SLC24A2: variants seen among roughly 807,000 people sequenced by gnomAD.
The protein encoded by SLC24A2 is solute carrier family 24 member 2, also known as sodium/potassium/calcium exchanger 2.
In SLC24A2, 36 loss-of-function variants were observed where a neutral mutation model predicts 62.0. The observed-to-expected ratio is 0.58, with a 90% CI of 0.44 to 0.77. SLC24A2 has a LOEUF of 0.77. Among genes scored for constraint, SLC24A2 ranks in the 30% least tolerant of loss-of-function variants. SLC24A2 has a pLI of 0.00. For missense variants in SLC24A2, 846 were observed against 817.9 expected, an observed-to-expected ratio of 1.03 and a Z score of -0.42; for synonymous variants, 358 against 294.0, an observed-to-expected ratio of 1.22 and a Z score of -2.23.
chr9:20,178,403 G>T, the SLC24A2 span, among the ~76,000 whole-genome samples: 1 of 152,058 alleles, frequency 6.6e-6, no homozygotes, highest in African/African-American at 2.4e-5. Flanking sequence ...GCAGCTGAAG[G>T]GTACACTGTC....
chr9:20,169,685 C>A, the SLC24A2 span, among the ~76,000 whole-genome samples: 2 of 148,902 alleles, frequency 1.3e-5, no homozygotes, highest in Non-Finnish European at 3.0e-5. Context: ...TGAACAAGAG[C>A]CTTGAGCCCT....
the SLC24A2 span, among the ~76,000 whole-genome samples, chr9:20,169,405 A>C: frequency 6.6e-6 from 1 of 152,000 alleles, no homozygotes; most frequent in Non-Finnish European, 1.5e-5. Flanking sequence ...AGAACTCACA[A>C]ATTCTCTGAA....
At position 19,622,339 on chromosome 9, in the gene SLC24A2, T is replaced by G. The variant is rs200852391; in HGVS notation, c.931-40A>C. 1,398 of 1,584,416 alleles carry G rather than the reference T, an allele frequency of 8.8e-4. 5 individuals carry two copies. The highest frequency in any genetic ancestry group is 1.1e-3 in the Non-Finnish European group (1,278 of 1,154,148). ...AAGGCAAAGACAAAAGACAAAGAAA[T>G]AAATAAATGAAGAATCACATATGGC... is the stretch of plus-strand genomic sequence containing the variant. On this transcript the variant is annotated intron_variant, in intron 2 of 10. Coordinates refer to ENST00000341998, the MANE Select transcript of SLC24A2 (RefSeq NM_020344.4).
At chr9:20,263,384 T>C in the SLC24A2 span, among the ~76,000 whole-genome samples, 9 of 152,092 alleles carry the variant, frequency 5.9e-5, no homozygotes, top group Non-Finnish European at 1.2e-4. Flanking sequence ...CCTGAGTAAC[T>C]GGGACCACAG....
chr9:19,896,302 T>G, the SLC24A2 span, among the ~76,000 whole-genome samples: 2 of 152,324 alleles, frequency 1.3e-5, no homozygotes, highest in South Asian at 4.1e-4. Flanking sequence ...TTTTACTTTG[T>G]GAGTACATAT....
At chr9:19,551,383 G>C (rs1053776357) in intron 7 of SLC24A2, among the ~76,000 whole-genome samples, 37 of 152,338 alleles carry the variant, frequency 2.4e-4, no homozygotes, top group African/African-American at 7.2e-4. Context: ...AGCTTCTGAA[G>C]TCAGGGCTAG....
the SLC24A2 span, among the ~76,000 whole-genome samples, chr9:19,887,589 C>G: frequency 1.3e-5 from 2 of 152,146 alleles, no homozygotes; most frequent in Non-Finnish European, 2.9e-5. Flanking sequence ...GGGAACACTT[C>G]TAACACTGCT....
At chr9:20,219,996 T>A in the SLC24A2 span, among the ~76,000 whole-genome samples, 3 of 152,328 alleles carry the variant, frequency 2.0e-5, no homozygotes, top group South Asian at 6.2e-4. Context: ...GTGGCTTCTA[T>A]GCTTTGAGAA....
the SLC24A2 span, among the ~76,000 whole-genome samples, chr9:20,055,248 T>C: frequency 3.7e-3 from 556 of 152,260 alleles, 8 homozygotes; most frequent in African/African-American, 0.013. Flanking sequence ...ACAAAAAAAG[T>C]CTTTACTTCT....
the SLC24A2 span, among the ~76,000 whole-genome samples, chr9:20,048,476 G>A: frequency 1.3e-5 from 2 of 151,478 alleles, no homozygotes; most frequent in Non-Finnish European, 2.9e-5. Flanking sequence ...ATCAGCCCAA[G>A]CCAATGATGT....
At chr9:19,519,986 G>A (rs542187807) in intron 10 of SLC24A2, among the ~76,000 whole-genome samples, 2 of 152,250 alleles carry the variant, frequency 1.3e-5, no homozygotes, top group South Asian at 2.1e-4. Context: ...GAATAATAGG[G>A]GTGATAATAC....
chr9:20,258,816 CT>C, the SLC24A2 span, among the ~76,000 whole-genome samples: 9,105 of 123,290 alleles, frequency 0.074, 558 homozygotes, highest in East Asian at 0.38. Flanking sequence ...ATCTATCTAC[CT>C]TATCTATCTA....
At chr9:20,023,323 T>C in the SLC24A2 span, among the ~76,000 whole-genome samples, 3 of 152,198 alleles carry the variant, frequency 2.0e-5, no homozygotes, top group Admixed American at 6.5e-5. Flanking sequence ...GAATATTTCA[T>C]GTAAACTGCT....
the SLC24A2 span, among the ~76,000 whole-genome samples, chr9:19,951,505 T>C: frequency 6.6e-6 from 1 of 152,142 alleles, no homozygotes; most frequent in Admixed American, 6.5e-5. Context: ...TATATTTAGG[T>C]CTATGGCACA....
the SLC24A2 span, among the ~76,000 whole-genome samples, chr9:19,878,504 A>G: frequency 6.6e-6 from 1 of 152,202 alleles, no homozygotes; most frequent in African/African-American, 2.4e-5. Flanking sequence ...TATGGTTTAG[A>G]TTCGTGTCCC....
At chr9:19,968,497 G>A in the SLC24A2 span, among the ~76,000 whole-genome samples, 5 of 152,176 alleles carry the variant, frequency 3.3e-5, no homozygotes, top group Non-Finnish European at 5.9e-5. Flanking sequence ...ATAGAAATAA[G>A]GTCCACAGAC....
the SLC24A2 span, among the ~76,000 whole-genome samples, chr9:19,812,566 G>C: frequency 6.6e-6 from 1 of 151,774 alleles, no homozygotes; most frequent in African/African-American, 2.4e-5. Flanking sequence ...CTTTTTGTCT[G>C]TTTTCTCTAA....
the SLC24A2 span, among the ~76,000 whole-genome samples, chr9:20,111,430 G>A: frequency 2.0e-4 from 31 of 152,202 alleles, no homozygotes; most frequent in East Asian, 5.6e-3. Context: ...GCACTGCACC[G>A]TCTCTTATTG....
At position 19,786,847 on chromosome 9, in the gene SLC24A2, G is replaced by A. The variant is rs1322257870; in HGVS notation, c.20C>T (p.Thr7Ile). 6.2e-7 allele frequency: 1 copy of A among 1,610,948 alleles called. No homozygotes were observed. The highest frequency in any genetic ancestry group is 8.5e-7 in the Non-Finnish European group (1 of 1,179,914). The part of the protein sequence containing the change: MDLQQS[T>I]TITSLEKWCL... ...CCATTTCTCTAGGGAAGTGATGGTGGTGCTTTGTTGCAGATCCATCCTGGG... is the reference window on the plus strand; with the variant it reads ...CCATTTCTCTAGGGAAGTGATGGTGATGCTTTGTTGCAGATCCATCCTGGG... Residue 7 changes from threonine to isoleucine, a missense_variant, in exon 2 of 11, where the codon ACC (threonine) becomes ATC (isoleucine). Thr to Ile is a moderately conservative substitution (Grantham distance 89). Coordinates refer to ENST00000341998, the MANE Select transcript of SLC24A2 (RefSeq NM_020344.4). This position sits in a 1 kb window ranked among gnomAD's most constrained non-coding sequence, Gnocchi z 5.0.
Sources: allele counts gnomAD v4.1 joint callset (sites outside exome capture counted in the v4.1 genomes callset), GRCh38; gene constraint gnomAD v4.1.1; non-coding constraint Gnocchi (gnomAD v3.1); transcripts MANE v1.5; gene names NCBI Gene and HGNC (gene_info 2026-07-23, HGNC 2026-07-21).